The following COPZ2 variants were observed in gnomAD, a reference collection of about 807,000 sequenced individuals.
COPZ2 encodes the protein coat protein complex I subunit zeta 2.
COPZ2 carries 30 observed loss-of-function variants against 33.2 expected under a neutral mutation model. The ratio of observed to expected loss-of-function variants is 0.90; its 90% CI spans 0.68 to 1.23. COPZ2 has a LOEUF of 1.23. COPZ2 is among the 50% of genes most tolerant of loss of function. COPZ2 has a pLI of 0.00. For missense variants in COPZ2, 263 were observed against 262.4 expected, an observed-to-expected ratio of 1.00 and a Z score of -0.02; for synonymous variants, 89 against 102.6, an observed-to-expected ratio of 0.87 and a Z score of 0.80.
chr17:48,027,329 G>T (rs555214938), intron 8 of COPZ2, among the ~76,000 whole-genome samples: 1 of 152,332 alleles, frequency 6.6e-6, no homozygotes, highest in Admixed American at 6.5e-5. Flanking sequence ...TATTCAGCAT[G>T]TGTTAACTGG....
upstream of COPZ2, among the ~76,000 whole-genome samples, chr17:48,038,481 G>A (rs1380637297): frequency 4.6e-5 from 7 of 152,196 alleles, no homozygotes; most frequent in African/African-American, 1.7e-4. Context: ...AGGGTACACT[G>A]GCAAGTGGGA....
At chr17:48,039,965 C>CA (rs1324155156), upstream of COPZ2, among the ~76,000 whole-genome samples, 1 of 151,914 alleles carries the variant, frequency 6.6e-6, no homozygotes, top group African/African-American at 2.4e-5. Context: ...ACTAAAAATA[C>CA]AAAAAAATTA....
At chr17:48,047,940 A>T in the COPZ2 span, 1 of 152,046 alleles carries the variant, frequency 6.6e-6, no homozygotes, top group Non-Finnish European at 1.5e-5. Context: ...GGTGTTCCGC[A>T]CTCTGGCGGC....
intron 6 of COPZ2, among the ~76,000 whole-genome samples, chr17:48,031,228 G>A (rs541208606): frequency 7.2e-5 from 11 of 152,176 alleles, no homozygotes; most frequent in East Asian, 1.9e-4. Flanking sequence ...TGAGGTGGGC[G>A]GATCACGAGG....
intron 6 of COPZ2, chr17:48,031,941 G>T (rs1324666222): frequency 5.0e-6 from 3 of 597,708 alleles, no homozygotes; most frequent in Non-Finnish European, 9.0e-6. Flanking sequence ...TTAGTCTCTT[G>T]TTTGGCTTGA....
chr17:48,029,606 A>C (rs576848041), intron 6 of COPZ2, among the ~76,000 whole-genome samples: 50 of 151,878 alleles, frequency 3.3e-4, no homozygotes, highest in Admixed American at 9.2e-4. Flanking sequence ...GCATGGGGTC[A>C]TGCCCTGCAT....
chr17:48,040,134 C>CA (rs2037047423), upstream of COPZ2, among the ~76,000 whole-genome samples: 4 of 121,530 alleles, frequency 3.3e-5, no homozygotes, highest in African/African-American at 1.3e-4. Flanking sequence ...ACCCACCCAC[C>CA]CACACACACA....
At chr17:48,047,634 C>T in the COPZ2 span, 5 of 97,704 alleles carry the variant, frequency 5.1e-5, no homozygotes, top group Admixed American at 3.6e-4. Context: ...CCTCTCACAC[C>T]GCCAACGTTC....
the COPZ2 span, chr17:48,047,612 C>T: frequency 2.6e-5 from 4 of 151,332 alleles, no homozygotes; most frequent in Non-Finnish European, 4.4e-5. Flanking sequence ...CAAAAATCGC[C>T]ATTACCCCAC....
At chr17:48,032,376 G>C (rs1454141881) in intron 5 of COPZ2, 143 bp from the exon 6 acceptor site, 2 of 763,220 alleles carry the variant, frequency 2.6e-6, no homozygotes, top group African/African-American at 1.7e-5. Flanking sequence ...GTGAAGGGCA[G>C]TGAGCACAGA....
At chr17:48,042,796 A>G (rs1370709117), upstream of COPZ2, among the ~76,000 whole-genome samples, 1 of 152,216 alleles carries the variant, frequency 6.6e-6, no homozygotes, top group South Asian at 2.1e-4. Flanking sequence ...TTAGTGGTGA[A>G]TAAGTAAATT....
In COPZ2 at chr17:48,032,757, A is replaced by G. The variant is rs1426223011; in HGVS notation, c.361-16T>C. 1.9e-6 allele frequency: 3 copies of G among 1,582,936 alleles called. No individual in the cohort carries two copies. The highest frequency in any genetic ancestry group is 2.3e-5 in the South Asian group (2 of 86,372). The stretch of plus-strand genomic sequence containing the variant: ...TGAGCATCAGCTGGGATGGGCAGAT[A>G]CGGGAGGAGGAAAAGGAGAGTTTGA... On this transcript the variant is annotated splice_polypyrimidine_tract_variant and intron_variant, in intron 4 of 8. Coordinates refer to ENST00000621465, the MANE Select transcript of COPZ2 (RefSeq NM_016429.4).
Position 48,028,409 on chromosome 17 carries a change from G to A in COPZ2, c.585+63C>T, listed in dbSNP as rs1162417996. ...ACTGGGTCCCCCTAGGATGCTCTAGGATGCTCTGCTCCCCGTATCTCTCTA... is the reference window on the plus strand; with the variant it reads ...ACTGGGTCCCCCTAGGATGCTCTAGAATGCTCTGCTCCCCGTATCTCTCTA... On this transcript the variant is annotated intron_variant, in intron 8 of 8. Coordinates refer to ENST00000621465, the MANE Select transcript of COPZ2 (RefSeq NM_016429.4). The surrounding 1 kb of genome is among the most constrained non-coding windows in gnomAD (Gnocchi z 4.5). The A allele has an allele frequency of 1.3e-6, 2 of 1,527,966 alleles. No individual in the cohort carries two copies. Among genetic ancestry groups the A allele is most frequent in the Non-Finnish European group, 8.9e-7 (1 of 1,123,268 alleles). 94.7% of individuals were successfully genotyped at this position (1,527,966 alleles called of 1,614,324 possible). A position where few individuals can be genotyped will look rare whatever the true frequency, so the allele number is the denominator to read the frequency against.
At chr17:48,034,333 C>T (rs1474920800) in intron 2 of COPZ2, among the ~76,000 whole-genome samples, 3 of 152,078 alleles carry the variant, frequency 2.0e-5, no homozygotes, top group African/African-American at 4.8e-5. Flanking sequence ...CTCGAACTCC[C>T]GACCTCAGGT....
At position 48,026,314 on chromosome 17, in the gene COPZ2, G is replaced by A; in HGVS notation, c.*114C>T. ...CCCTGGCTGGAGACCTTAGGAGTCA[G>A]TTCTGGGAGGGACCTGGGGATACAG... On this transcript the variant is annotated 3_prime_UTR_variant, in exon 9 of 9. Transcript: ENST00000621465. The A allele has an allele frequency of 1.2e-6, 1 of 834,998 alleles. No individual in the cohort carries two copies. The highest frequency in any genetic ancestry group is 2.0e-6 in the Non-Finnish European group (1 of 511,142). 51.7% of individuals were successfully genotyped at this position (834,998 alleles called of 1,614,324 possible).
chr17:48,035,531 G>C (rs1336331915), intron 2 of COPZ2, among the ~76,000 whole-genome samples: 1 of 152,040 alleles, frequency 6.6e-6, no homozygotes. Context: ...GAGTAGGTGG[G>C]ACTACAGGCA....
In COPZ2 at chr17:48,037,591, G is replaced by T. The variant is rs1176211955; in HGVS notation, c.111+76C>A. 2 of 1,045,216 alleles carry T rather than the reference G, an allele frequency of 1.9e-6. No individual in the cohort carries two copies. The highest frequency in any genetic ancestry group is 3.4e-5 in the South Asian group (1 of 29,026). 64.7% of individuals were successfully genotyped at this position (1,045,216 alleles called of 1,614,324 possible). A position where few individuals can be genotyped will look rare whatever the true frequency, so the allele number is the denominator to read the frequency against. On this transcript the variant is annotated intron_variant, in intron 1 of 8. Transcript: ENST00000621465. The surrounding 1 kb of genome is among the most constrained non-coding windows in gnomAD (Gnocchi z 5.6). Reference sequence around the variant, plus strand: ...CCGCCGGGCGCGCGAGTTCTGAGTTGGCTGCTCCCCCTAACCCTGCTCTGT... The same window carrying T: ...CCGCCGGGCGCGCGAGTTCTGAGTTTGCTGCTCCCCCTAACCCTGCTCTGT...
At chr17:48,047,689 C>G in the COPZ2 span, 2 of 152,066 alleles carry the variant, frequency 1.3e-5, no homozygotes. Context: ...GATATCCGTC[C>G]GCGGTACTGC....
At position 48,032,753 on chromosome 17, in the gene COPZ2, A is replaced by C. The variant is rs910627431; in HGVS notation, c.361-12T>G. The C allele has an allele frequency of 1.9e-6, 3 of 1,585,362 alleles. No homozygotes were observed. The Admixed American group carries it at 5.4e-5, about 28-fold the overall frequency. ...GACATGAGCATCAGCTGGGATGGGC[A>C]GATACGGGAGGAGGAAAAGGAGAGT... On this transcript the variant is annotated splice_polypyrimidine_tract_variant and intron_variant, in intron 4 of 8. Transcript: ENST00000621465.
Sources: allele counts gnomAD v4.1 joint callset (sites outside exome capture counted in the v4.1 genomes callset), GRCh38; gene constraint gnomAD v4.1.1; non-coding constraint Gnocchi (gnomAD v3.1); transcripts MANE v1.5; gene names NCBI Gene and HGNC (gene_info 2026-07-23, HGNC 2026-07-21).